Variants in PTPN1 observed in about 807,000 individuals in gnomAD.
PTPN1 encodes tyrosine-protein phosphatase non-receptor type 1.
In PTPN1, 12 loss-of-function variants were observed where a neutral mutation model predicts 59.9. That is an observed-to-expected ratio of 0.20 (90% CI 0.13 to 0.32). The LOEUF (loss-of-function observed/expected upper bound fraction) is 0.32. Among genes scored for constraint, PTPN1 ranks in the 10% least tolerant of loss-of-function variants. PTPN1 has a pLI of 1.00. For synonymous variants in PTPN1, 178 were observed against 203.6 expected, an observed-to-expected ratio of 0.87 and a Z score of 1.07; for missense variants, 356 against 549.2, an observed-to-expected ratio of 0.65 and a Z score of 3.52.
chr20:50,544,044 C>T (rs1455259554), intron 1 of PTPN1, among the ~76,000 whole-genome samples: 1 of 152,088 alleles, frequency 6.6e-6, no homozygotes, highest in Non-Finnish European at 1.5e-5. Flanking sequence ...CAGGGTTTCA[C>T]CATGTTGTCC....
chr20:50,564,561 T>G (rs1234003171), intron 2 of PTPN1, among the ~76,000 whole-genome samples: 2 of 152,018 alleles, frequency 1.3e-5, no homozygotes, highest in East Asian at 3.9e-4. Flanking sequence ...GCCACTGCAC[T>G]CCAGCCTGGG....
chr20:50,540,033 C>G (rs1277795899), intron 1 of PTPN1, among the ~76,000 whole-genome samples: 1 of 151,870 alleles, frequency 6.6e-6, no homozygotes, highest in Non-Finnish European at 1.5e-5. Flanking sequence ...CTTCCTCTCA[C>G]TTTTTTAAAC....
chr20:50,536,087 T>TA (rs1487742282), intron 1 of PTPN1, among the ~76,000 whole-genome samples: 1 of 152,230 alleles, frequency 6.6e-6, no homozygotes, highest in Non-Finnish European at 1.5e-5. Flanking sequence ...ACCTCATATC[T>TA]AACTGTAGGA....
At position 50,570,729 on chromosome 20, in the gene PTPN1, G is replaced by A. The variant is rs557282437; in HGVS notation, c.354+2251G>A. On this transcript the variant is annotated intron_variant, in intron 4 of 9. Transcript: ENST00000371621. Reference sequence around the variant, plus strand: ...CTGGATCATTGTCTGCTAGGGATCCGGGCAGGGAGTGGCTGTGCTGGGCGC... The same window carrying A: ...CTGGATCATTGTCTGCTAGGGATCCAGGCAGGGAGTGGCTGTGCTGGGCGC... 2.3e-4 allele frequency among the ~76,000 whole-genome samples: 35 copies of A among 152,314 alleles called. No individual in the cohort carries two copies. In the South Asian group the frequency reaches 2.5e-3, roughly 11 times the overall value.
intron 6 of PTPN1, 96 bp from the exon 7 acceptor site, chr20:50,579,072 G>T: frequency 7.3e-7 from 1 of 1,364,222 alleles, no homozygotes; most frequent in Middle Eastern, 1.8e-4. Flanking sequence ...TCACATTTCA[G>T]CATGAGATTG....
At chr20:50,536,172 G>T (rs2082623342) in intron 1 of PTPN1, among the ~76,000 whole-genome samples, 1 of 152,174 alleles carries the variant, frequency 6.6e-6, no homozygotes, top group African/African-American at 2.4e-5. Flanking sequence ...AAGCCTTATT[G>T]AAGACTCAGC....
At chr20:50,548,961 G>A (rs753756621) in intron 1 of PTPN1, among the ~76,000 whole-genome samples, 3 of 152,076 alleles carry the variant, frequency 2.0e-5, no homozygotes, top group South Asian at 2.1e-4. Flanking sequence ...GAAGTGATCC[G>A]CCCGCCTTGG....
intron 1 of PTPN1, among the ~76,000 whole-genome samples, chr20:50,554,321 A>G (rs1474182172): frequency 6.6e-6 from 1 of 151,576 alleles, no homozygotes; most frequent in African/African-American, 2.4e-5. Context: ...CAGTAGTTCA[A>G]GGCTGGAGTG....
At position 50,561,352 on chromosome 20, in the gene PTPN1, CT is replaced by C; in HGVS notation, c.64-5del. 1.3e-6 allele frequency: 2 copies of C among 1,596,120 alleles called. No homozygotes were observed. The highest frequency in any genetic ancestry group is 1.1e-5 in the South Asian group (1 of 88,988). ...TGACGGTCAGTTAAATGTCTTTATT[CT>C]TTTTTGTAGGATATCCGACATGAAG... is the stretch of plus-strand genomic sequence containing the variant. On this transcript the variant is annotated splice_polypyrimidine_tract_variant and intron_variant, in intron 1 of 9. Coordinates refer to ENST00000371621, the MANE Select transcript of PTPN1 (RefSeq NM_002827.4).
At chr20:50,532,190 G>A (rs17788091) in intron 1 of PTPN1, among the ~76,000 whole-genome samples, 3,461 of 152,348 alleles carry the variant, frequency 0.023, 55 homozygotes, top group Non-Finnish European at 0.038. Flanking sequence ...GCAGGTTTTT[G>A]TGGCAAAACT....
In PTPN1 at chr20:50,578,540, A is replaced by G. The variant is rs1372426323; in HGVS notation, c.613A>G (p.Ser205Gly). The G allele has an allele frequency of 8.1e-6, 13 of 1,614,122 alleles. No homozygotes were observed. In the South Asian group the frequency reaches 1.3e-4, roughly 16 times the overall value. The change falls in exon 6 of 10, where the codon AGC becomes GGC. Residue 205 changes from serine to glycine, a missense_variant. By Grantham distance (56) the Ser-to-Gly change is moderately conservative. Coordinates refer to ENST00000371621, the MANE Select transcript of PTPN1 (RefSeq NM_002827.4). Reference sequence around the variant, plus strand: ...CAAAGTCCGAGAGTCAGGGTCACTCAGCCCGGAGCACGGGCCCGTTGTGGT... The same window carrying G: ...CAAAGTCCGAGAGTCAGGGTCACTCGGCCCGGAGCACGGGCCCGTTGTGGT... ...LFKVRESGSL[S>G]PEHGPVVVHC...
chr20:50,584,552 A>G lies in PTPN1; in HGVS notation c.*1837A>G, dbSNP rs532800769. Reference sequence around the variant, plus strand: ...CATGGAATAAACCATTTTTACAAAAATAAAAACAAAAAAAGCAAGGTGTTT... The same window carrying G: ...CATGGAATAAACCATTTTTACAAAAGTAAAAACAAAAAAAGCAAGGTGTTT... On this transcript the variant is annotated 3_prime_UTR_variant, in exon 10 of 10. Coordinates refer to ENST00000371621, the MANE Select transcript of PTPN1 (RefSeq NM_002827.4). The G allele has an allele frequency of 1.3e-4, 20 of 152,526 alleles. 1 individual carries two copies. The highest frequency in any genetic ancestry group is 3.4e-3 in the Middle Eastern group (1 of 294). The allele number at this position is 152,526 out of a possible 1,614,324, so 9.4% of individuals were successfully genotyped here.
chr20:50,514,854 A>G (rs1217125742), intron 1 of PTPN1, among the ~76,000 whole-genome samples: 2 of 152,234 alleles, frequency 1.3e-5, no homozygotes, highest in East Asian at 3.8e-4. Flanking sequence ...GGCACCAGCC[A>G]TTCCATGTTC....
Position 50,568,649 on chromosome 20 carries a change from C to T in PTPN1, c.354+171C>T, listed in dbSNP as rs931500271. ...ATATAAATGCATGTTGGTTGTCAAC[C>T]AGTTAATGAAGTGAATAAAAGGGAG... On this transcript the variant is annotated intron_variant, in intron 4 of 9. Coordinates refer to ENST00000371621, the MANE Select transcript of PTPN1 (RefSeq NM_002827.4). The surrounding 1 kb of genome is among the most constrained non-coding windows in gnomAD (Gnocchi z 5.6). Among the ~76,000 whole-genome samples, 2 of 152,058 alleles carry T rather than the reference C, an allele frequency of 1.3e-5. No homozygotes were observed. The highest frequency in any genetic ancestry group is 4.8e-5 in the African/African-American group (2 of 41,376).
Position 50,561,670 on chromosome 20 carries a change from T to C in PTPN1, c.154+217T>C, listed in dbSNP as rs17847907. Reference sequence around the variant, plus strand: ...GCTCAGGTTTCAGTTTCTGGAAAATTCAGTGAAGTTCAAAGCACTTTTCTT... The same window carrying C: ...GCTCAGGTTTCAGTTTCTGGAAAATCCAGTGAAGTTCAAAGCACTTTTCTT... On this transcript the variant is annotated intron_variant, in intron 2 of 9. Coordinates refer to ENST00000371621, the MANE Select transcript of PTPN1 (RefSeq NM_002827.4). 4.6e-5 allele frequency among the ~76,000 whole-genome samples: 7 copies of C among 152,334 alleles called. No homozygotes were observed. In the East Asian group the frequency reaches 9.6e-4, roughly 21 times the overall value.
chr20:50,549,754 C>T (rs1292643772), intron 1 of PTPN1, among the ~76,000 whole-genome samples: 1 of 152,136 alleles, frequency 6.6e-6, no homozygotes, highest in East Asian at 1.9e-4. Context: ...TATTATTAAA[C>T]AGTGTAGTTT....
chr20:50,542,962 T>C (rs2082659061), intron 1 of PTPN1, among the ~76,000 whole-genome samples: 1 of 152,250 alleles, frequency 6.6e-6, no homozygotes, highest in African/African-American at 2.4e-5. Context: ...TGGTAAGATA[T>C]ATTAATTTGT....
intron 1 of PTPN1, among the ~76,000 whole-genome samples, chr20:50,523,295 G>T (rs1393605900): frequency 1.3e-5 from 2 of 152,172 alleles, no homozygotes; most frequent in Non-Finnish European, 2.9e-5. Context: ...GACGTCCAGG[G>T]AAGCATCTGG....
chr20:50,539,809 C>T (rs2082641577), intron 1 of PTPN1, among the ~76,000 whole-genome samples: 1 of 151,850 alleles, frequency 6.6e-6, no homozygotes, highest in African/African-American at 2.4e-5. Flanking sequence ...TTTATGCAAC[C>T]ATGTCTTGGT....
Sources: allele counts gnomAD v4.1 joint callset (sites outside exome capture counted in the v4.1 genomes callset), GRCh38; gene constraint gnomAD v4.1.1; non-coding constraint Gnocchi (gnomAD v3.1); transcripts MANE v1.5; gene names NCBI Gene and HGNC (gene_info 2026-07-23, HGNC 2026-07-21).